ADGRB1: variants seen among roughly 807,000 people sequenced by gnomAD.
The protein encoded by ADGRB1 is adhesion G protein-coupled receptor B1.
ADGRB1 carries 36 observed loss-of-function variants against 175.7 expected under a neutral mutation model. The ratio of observed to expected loss-of-function variants is 0.20; its 90% confidence interval spans 0.16 to 0.27. The LOEUF (loss-of-function observed/expected upper bound fraction) is 0.27. ADGRB1 is among the 10% of genes least tolerant of loss of function. The pLI is 1.00. For missense variants in ADGRB1, 1,731 were observed against 2,255.3 expected (o/e 0.77, Z 4.71); for synonymous variants, 1,054 against 979.4 (o/e 1.08, Z -1.42).
intron 17 of ADGRB1, among the ~76,000 whole-genome samples, chr8:142,505,697 G>A (rs899964018): frequency 1.4e-4 from 22 of 152,318 alleles, no homozygotes; most frequent in African/African-American, 5.3e-4. Context: ...TCTGAGTGAA[G>A]AGGGAACCGC....
At chr8:142,519,040 GGGTT>G (rs1289577732) in intron 19 of ADGRB1, among the ~76,000 whole-genome samples, 1 of 152,158 alleles carries the variant, frequency 6.6e-6, no homozygotes, top group Non-Finnish European at 1.5e-5. Context: ...GACAGTGACT[GGGTT>G]GTGGGTAGTG....
chr8:142,471,977 G>C (rs1384768997), intron 2 of ADGRB1, among the ~76,000 whole-genome samples: 1 of 152,238 alleles, frequency 6.6e-6, no homozygotes, highest in South Asian at 2.1e-4. Flanking sequence ...GTCATCCCTC[G>C]GACACGCTGT....
chr8:142,542,545 C>A lies in ADGRB1; in HGVS notation c.4311C>A (p.Pro1437=), dbSNP rs771263376. ...PPPPNLEPAP[P]SLGDPGEPAA... ...CGCCCAATCTGGAGCCGGCACCCCCCAGCCTGGGGGATCCCGGGGAGCCTG... is the reference window on the plus strand; with the variant it reads ...CGCCCAATCTGGAGCCGGCACCCCCAAGCCTGGGGGATCCCGGGGAGCCTG... The change falls in exon 28 of 31, where the codon CCC becomes CCA. Residue 1437 remains proline (P), a synonymous_variant. Transcript: ENST00000517894. This position sits in a 1 kb window ranked among gnomAD's most constrained non-coding sequence, Gnocchi z 6.3. 42 of 1,520,120 alleles carry A rather than the reference C, an allele frequency of 2.8e-5. 1 individual carries two copies. In the South Asian group the frequency reaches 2.9e-4, roughly 11 times the overall value. The allele number at this position is 1,520,120 out of a possible 1,614,324, so 94.2% of individuals were successfully genotyped here.
intron 17 of ADGRB1, among the ~76,000 whole-genome samples, chr8:142,491,888 G>T (rs372077812): frequency 8.5e-5 from 13 of 152,320 alleles, no homozygotes; most frequent in African/African-American, 3.1e-4. Flanking sequence ...CTGCCTGACA[G>T]GGAGAGGGAG....
Position 142,544,576 on chromosome 8 carries a change from T to G in ADGRB1, c.*159T>G, listed in dbSNP as rs979136136. On this transcript the variant is annotated 3_prime_UTR_variant, in exon 31 of 31. Coordinates refer to ENST00000517894, the MANE Select transcript of ADGRB1 (RefSeq NM_001702.3). ...CGGCCAGGCACAGGGCCCGCAGTGC[T>G]GGGACCAGAGCCAGATGCAGGACAG... 21 of 867,402 alleles carry G rather than the reference T, an allele frequency of 2.4e-5. No individual in the cohort carries two copies. The highest frequency in any genetic ancestry group is 9.6e-6 in the Non-Finnish European group (6 of 623,580). 53.7% of individuals were successfully genotyped at this position (867,402 alleles called of 1,614,324 possible).
At chr8:142,508,310 A>T (rs1247171572) in intron 17 of ADGRB1, among the ~76,000 whole-genome samples, 1 of 152,146 alleles carries the variant, frequency 6.6e-6, no homozygotes, top group Non-Finnish European at 1.5e-5. Flanking sequence ...GCATGGGGAC[A>T]GTGGCTTCTG....
chr8:142,520,833 T>C lies in ADGRB1; in HGVS notation c.2932T>C (p.Ser978Pro). 6.2e-7 allele frequency: 1 copy of C among 1,613,566 alleles called. No homozygotes were observed. The highest frequency in any genetic ancestry group is 8.5e-7 in the Non-Finnish European group (1 of 1,179,646). ...CTGCACTCTCCACAGGTACATTCGC[T>C]CAGAGCGTTCTGTCATCCTCATCAA... The part of the protein sequence containing the change: ...IYVSVWRYIR[S>P]ERSVILINFC... The change falls in exon 20 of 31, where the codon TCA becomes CCA. Residue 978 changes from serine (S) to proline (P), a missense_variant. Ser to Pro is a moderately conservative substitution (Grantham distance 74, BLOSUM62 -1). This residue lies in a region of ADGRB1 where 301 missense variants were observed against 488.4 expected (regional missense o/e 0.62). Coordinates refer to ENST00000517894, the MANE Select transcript of ADGRB1 (RefSeq NM_001702.3).
intron 1 of ADGRB1, among the ~76,000 whole-genome samples, chr8:142,452,823 C>T (rs998530866): frequency 9.9e-5 from 15 of 151,516 alleles, no homozygotes; most frequent in Non-Finnish European, 1.6e-4. Flanking sequence ...AGCCCGTCCT[C>T]CGGGGACGCC....
rs1354179700 is a variant in ADGRB1 at position 142,544,756 on chromosome 8, CCTG to C, written c.*344_*346del. On this transcript the variant is annotated 3_prime_UTR_variant, in exon 31 of 31. Coordinates refer to ENST00000517894, the MANE Select transcript of ADGRB1 (RefSeq NM_001702.3). ...GCGTCCCAGGGTACCCGCCTGAGCT[CCTG>C]CTGCGGAGGAGCTGCCTGCTTGGCC... is the stretch of plus-strand genomic sequence containing the variant. The C allele has an allele frequency of 5.2e-5, 10 of 192,218 alleles. No homozygotes were observed. In the East Asian group the frequency reaches 1.2e-3, roughly 23 times the overall value. 11.9% of individuals were successfully genotyped at this position (192,218 alleles called of 1,614,324 possible).
Position 142,477,392 on chromosome 8 carries a change from T to C in ADGRB1, c.1230T>C (p.Gly410=). The C allele has an allele frequency of 6.2e-7, 1 of 1,607,142 alleles. No individual in the cohort carries two copies. Among genetic ancestry groups the C allele is most frequent in the South Asian group, 1.1e-5 (1 of 91,022 alleles). The change falls in exon 6 of 31, where the codon GGT becomes GGC. Residue 410 remains glycine (G), a synonymous_variant. Coordinates refer to ENST00000517894, the MANE Select transcript of ADGRB1 (RefSeq NM_001702.3). Reference sequence around the variant, plus strand: ...CCTTCCGTCCCTCTGCAGTGCATGGTGCCTGGGATGAGTGGTCGCCCTGGA... The same window carrying C: ...CCTTCCGTCCCTCTGCAGTGCATGGCGCCTGGGATGAGTGGTCGCCCTGGA... ...CNNSAVCPVH[G]AWDEWSPWSL...
intron 24 of ADGRB1, among the ~76,000 whole-genome samples, chr8:142,530,013 CGTAT>C (rs1192788093): frequency 4.2e-5 from 5 of 120,096 alleles, no homozygotes; most frequent in East Asian, 2.7e-4. Context: ...ACCTGCTGTG[CGTAT>C]GTGTGAGCGT....
intron 26 of ADGRB1, among the ~76,000 whole-genome samples, chr8:142,538,786 C>A (rs577335271): frequency 2.6e-4 from 40 of 152,268 alleles, no homozygotes; most frequent in African/African-American, 9.4e-4. Flanking sequence ...AACATCCCCC[C>A]CCACCACCTC....
intron 1 of ADGRB1, among the ~76,000 whole-genome samples, 158 bp downstream of exon 1, chr8:142,450,262 C>A (rs1414622064): frequency 1.3e-5 from 2 of 151,046 alleles, no homozygotes; most frequent in East Asian, 3.9e-4. Flanking sequence ...GGAGTTTGGA[C>A]CCCCACCCCC....
intron 13 of ADGRB1, among the ~76,000 whole-genome samples, chr8:142,487,101 A>G (rs1841707517): frequency 6.6e-6 from 1 of 152,174 alleles, no homozygotes. Context: ...CTACTACTTC[A>G]ATAATTCTGC....
At chr8:142,497,726 C>T (rs111786921) in intron 17 of ADGRB1, among the ~76,000 whole-genome samples, 4 of 152,336 alleles carry the variant, frequency 2.6e-5, no homozygotes, top group Admixed American at 6.5e-5. Context: ...AGCCCCTTCC[C>T]GGGTACCCCT....
chr8:142,464,884 C>T lies in ADGRB1; in HGVS notation c.686C>T (p.Ala229Val). The change falls in exon 2 of 31, where the codon GCC (alanine) becomes GTC (valine). Residue 229 changes from alanine to valine, a missense_variant. Coordinates refer to ENST00000517894, the MANE Select transcript of ADGRB1 (RefSeq NM_001702.3). ...GGCGGCCCTGCCGCGGGACCCCTGGCCCCCCGCGGGGATGTCTGCTTGAGA... is the reference window on the plus strand; with the variant it reads ...GGCGGCCCTGCCGCGGGACCCCTGGTCCCCCGCGGGGATGTCTGCTTGAGA... ...EAGGPAAGPL[A>V]PRGDVCLRDA... 2.6e-6 allele frequency: 4 copies of T among 1,523,176 alleles called. No homozygotes were observed. Among genetic ancestry groups the T allele is most frequent in the Non-Finnish European group, 3.5e-6 (4 of 1,140,854 alleles). 94.4% of individuals were successfully genotyped at this position (1,523,176 alleles called of 1,614,324 possible).
intron 7 of ADGRB1, 48 bp downstream of exon 7, chr8:142,478,408 G>C: frequency 6.5e-7 from 1 of 1,528,664 alleles, no homozygotes. Flanking sequence ...ACAAGCAGGA[G>C]CCTCTAGGAA....
intron 5 of ADGRB1, 43 bp downstream of exon 5, chr8:142,477,321 C>CG (rs1289631151): frequency 2.5e-6 from 4 of 1,582,334 alleles, no homozygotes; most frequent in East Asian, 4.5e-5. Context: ...GCCAGGGCAG[C>CG]GGGGGGCCAG....
rs1225133996 is a variant in ADGRB1, at chr8:142,537,606, CT to C, written c.3666+525del. On this transcript the variant is annotated intron_variant, in intron 26 of 30. Transcript: ENST00000517894. This position sits in a 1 kb window ranked among gnomAD's most constrained non-coding sequence, Gnocchi z 4.6. ...GCAGGGTGACTCTCCCTTGTGGCCC[CT>C]GGCCATCCTGCCTTCACCCTCTCTG... Among the ~76,000 whole-genome samples, 4 of 152,220 alleles carry C rather than the reference CT, an allele frequency of 2.6e-5. No individual in the cohort carries two copies. Among genetic ancestry groups the C allele is most frequent in the Admixed American group, 2.6e-4 (4 of 15,298 alleles).
Sources: allele counts gnomAD v4.1 joint callset (sites outside exome capture counted in the v4.1 genomes callset), GRCh38; gene constraint gnomAD v4.1.1; regional missense constraint gnomAD v4.1.1; non-coding constraint Gnocchi (gnomAD v3.1); transcripts MANE v1.5; gene names NCBI Gene and HGNC (gene_info 2026-07-23, HGNC 2026-07-21).